The following PRKG1 variants were observed in gnomAD, a reference collection of about 807,000 sequenced individuals.
PRKG1 encodes protein kinase cGMP-dependent 1.
PRKG1 carries 35 observed loss-of-function variants against 88.1 expected under a neutral mutation model. The ratio of observed to expected loss-of-function variants is 0.40; its 90% CI spans 0.30 to 0.53. The LOEUF (loss-of-function observed/expected upper bound fraction) is 0.53. PRKG1 is among the 20% of genes least tolerant of loss of function. PRKG1 has a pLI of 0.59. For missense variants in PRKG1, 540 were observed against 839.8 expected (o/e 0.64, Z 4.41); for synonymous variants, 303 against 292.5 (o/e 1.04, Z -0.37).
chr10:51,046,373 A>C (rs1295174252), intron 1 of PRKG1, among the ~76,000 whole-genome samples: 6 of 152,178 alleles, frequency 3.9e-5, no homozygotes, highest in Non-Finnish European at 8.8e-5. Context: ...TCTGGGTGGA[A>C]TCTAGAAGAG....
At chr10:52,218,460 A>T (rs1162912720) in intron 9 of PRKG1, among the ~76,000 whole-genome samples, 1 of 152,108 alleles carries the variant, frequency 6.6e-6, no homozygotes, top group Non-Finnish European at 1.5e-5. Flanking sequence ...CTTCTGGTTA[A>T]AAAAGATATT....
At chr10:51,559,576 C>T (rs1483798151) in intron 3 of PRKG1, among the ~76,000 whole-genome samples, 1 of 152,082 alleles carries the variant, frequency 6.6e-6, no homozygotes, top group East Asian at 1.9e-4. Context: ...TCCTTTGCAT[C>T]ATAAAAATAA....
At chr10:51,625,825 A>C (rs1008070795) in intron 3 of PRKG1, among the ~76,000 whole-genome samples, 2 of 152,180 alleles carry the variant, frequency 1.3e-5, no homozygotes, top group African/African-American at 4.8e-5. Flanking sequence ...AGAGAGTCAC[A>C]GTCAATGAAA....
At chr10:51,847,489 A>C (rs760535497) in intron 4 of PRKG1, among the ~76,000 whole-genome samples, 66 of 152,196 alleles carry the variant, frequency 4.3e-4, no homozygotes, top group Non-Finnish European at 8.4e-4. Context: ...AAAATGAGAA[A>C]ACCAATATAT....
chr10:51,017,528 A>G (rs1422505774), intron 1 of PRKG1, among the ~76,000 whole-genome samples: 6 of 152,226 alleles, frequency 3.9e-5, no homozygotes, highest in African/African-American at 1.4e-4. Flanking sequence ...TTCTTAGTCA[A>G]ATCACTAGGT....
At chr10:51,946,734 CT>C (rs1843046224) in intron 5 of PRKG1, among the ~76,000 whole-genome samples, 1 of 152,072 alleles carries the variant, frequency 6.6e-6, no homozygotes, top group Non-Finnish European at 1.5e-5. Flanking sequence ...ACTCCAGACA[CT>C]GTTTGCCTGA....
At chr10:51,646,526 T>C (rs922033114) in intron 3 of PRKG1, among the ~76,000 whole-genome samples, 5 of 152,106 alleles carry the variant, frequency 3.3e-5, no homozygotes, top group African/African-American at 1.2e-4. Flanking sequence ...AATCAAAGCA[T>C]GTTGATATAT....
At chr10:51,877,277 A>G (rs1841322990) in intron 4 of PRKG1, among the ~76,000 whole-genome samples, 1 of 152,134 alleles carries the variant, frequency 6.6e-6, no homozygotes, top group African/African-American at 2.4e-5. Context: ...ATGAATACTA[A>G]CATCATCTGA....
In PRKG1 at chr10:52,188,322, A is replaced by G. The variant is rs1486182333; in HGVS notation, c.1076+26359A>G. ...TATATGTATATATATACATATGTATATATATACACATATATATATATATTT... is the reference window on the plus strand; with the variant it reads ...TATATGTATATATATACATATGTATGTATATACACATATATATATATATTT... On this transcript the variant is annotated intron_variant, in intron 9 of 17. Transcript: ENST00000373980. Among the ~76,000 whole-genome samples, 5 of 141,246 alleles carry G rather than the reference A, an allele frequency of 3.5e-5. No homozygotes were observed. In the Admixed American group the frequency reaches 3.7e-4, roughly 10 times the overall value. 92.7% of individuals were successfully genotyped at this position (141,246 alleles called of 152,430 possible).
chr10:51,109,437 T>G (rs973942665), intron 1 of PRKG1, among the ~76,000 whole-genome samples: 2 of 151,906 alleles, frequency 1.3e-5, no homozygotes, highest in Non-Finnish European at 2.9e-5. Context: ...CCAACACATA[T>G]ATAGATACAT....
chr10:51,281,358 A>G (rs1171043269), intron 2 of PRKG1, among the ~76,000 whole-genome samples: 1 of 152,146 alleles, frequency 6.6e-6, no homozygotes, highest in Non-Finnish European at 1.5e-5. Context: ...ATCAAACTCC[A>G]TACTGGGAGA....
At chr10:51,108,291 A>G (rs998103056) in intron 1 of PRKG1, among the ~76,000 whole-genome samples, 2 of 152,088 alleles carry the variant, frequency 1.3e-5, no homozygotes, top group Non-Finnish European at 2.9e-5. Flanking sequence ...GAAGGGAATT[A>G]GAAGGGAAGA....
In PRKG1 at chr10:51,845,676, C is replaced by T. The variant is rs374745293; in HGVS notation, c.698+40986C>T. 7.9e-5 allele frequency among the ~76,000 whole-genome samples: 12 copies of T among 152,216 alleles called. No individual in the cohort carries two copies. The East Asian group carries it at 1.5e-3, about 20-fold the overall frequency. ...TTATGTGTTAAAACTACAGCATTGTCATCTTATGGACATGTTATGTGGTTT... is the reference window on the plus strand; with the variant it reads ...TTATGTGTTAAAACTACAGCATTGTTATCTTATGGACATGTTATGTGGTTT... On this transcript the variant is annotated intron_variant, in intron 4 of 17. Transcript: ENST00000373980.
rs971175648 is a variant in PRKG1, at chr10:52,296,852, A to G, written c.*2952A>G. 6 of 152,132 alleles carry G rather than the reference A, an allele frequency of 3.9e-5. No homozygotes were observed. Among genetic ancestry groups the G allele is most frequent in the African/African-American group, 1.4e-4 (6 of 41,466 alleles). The allele number at this position is 152,132 out of a possible 1,614,324, so 9.4% of individuals were successfully genotyped here. On this transcript the variant is annotated 3_prime_UTR_variant, in exon 18 of 18. Transcript: ENST00000373980. ...AAGACATGAATCAGATCCATGTGGCATTCAAAACAAATTTATTTTGGTTAT... is the reference window on the plus strand; with the variant it reads ...AAGACATGAATCAGATCCATGTGGCGTTCAAAACAAATTTATTTTGGTTAT...
chr10:51,767,380 C>A (rs1186609143), intron 3 of PRKG1, among the ~76,000 whole-genome samples: 1 of 152,128 alleles, frequency 6.6e-6, no homozygotes, highest in Admixed American at 6.6e-5. Flanking sequence ...GACTTGCAGA[C>A]TGACAAACAC....
intron 4 of PRKG1, among the ~76,000 whole-genome samples, chr10:51,807,162 T>G (rs1268488106): frequency 6.6e-6 from 1 of 152,226 alleles, no homozygotes; most frequent in Non-Finnish European, 1.5e-5. Context: ...CTTACTGCTT[T>G]GTAGATAGGC....
intron 3 of PRKG1, among the ~76,000 whole-genome samples, chr10:51,603,146 C>T (rs766155287): frequency 2.6e-5 from 4 of 152,014 alleles, no homozygotes; most frequent in South Asian, 2.1e-4. Flanking sequence ...TTAGTAGAGA[C>T]GGGGTTTCAC....
chr10:52,242,537 T>C (rs1840893813), intron 9 of PRKG1, among the ~76,000 whole-genome samples: 1 of 152,224 alleles, frequency 6.6e-6, no homozygotes, highest in African/African-American at 2.4e-5. Flanking sequence ...AAGTAACATA[T>C]ACCAAAAGGG....
Position 52,024,611 on chromosome 10 carries a change from A to C in PRKG1, c.763-29873A>C, listed in dbSNP as rs199734939. On this transcript the variant is annotated intron_variant, in intron 5 of 17. Transcript: ENST00000373980. ...TTTCTGTCCTTGCAATAGTTTGCTGAGAATGATGGTTTCCAGCTTCATCCA... is the reference window on the plus strand; with the variant it reads ...TTTCTGTCCTTGCAATAGTTTGCTGCGAATGATGGTTTCCAGCTTCATCCA... Among the ~76,000 whole-genome samples, 107 of 152,256 alleles carry C rather than the reference A, an allele frequency of 7.0e-4. 1 individual carries two copies. The East Asian group carries it at 0.02, about 29-fold the overall frequency.
Sources: allele counts gnomAD v4.1 joint callset (sites outside exome capture counted in the v4.1 genomes callset), GRCh38; gene constraint gnomAD v4.1.1; transcripts MANE v1.5; gene names NCBI Gene and HGNC (gene_info 2026-07-23, HGNC 2026-07-21).